Variants in KLHL10 observed in about 807,000 individuals in gnomAD.
KLHL10 encodes kelch like family member 10, also known as kelch-like protein 10.
In KLHL10, 11 loss-of-function variants were observed where a neutral mutation model predicts 46.6. The observed-to-expected ratio is 0.24, with a 90% CI of 0.15 to 0.39. The LOEUF (loss-of-function observed/expected upper bound fraction) is 0.39, where lower values mean the gene tolerates loss of function less well. KLHL10 is among the 10% of genes least tolerant of loss of function. The pLI is 1.00. For missense variants in KLHL10, 475 were observed against 789.8 expected (o/e 0.60, Z 4.78); for synonymous variants, 254 against 279.1 (o/e 0.91, Z 0.90).
intron 3 of KLHL10, among the ~76,000 whole-genome samples, chr17:41,846,948 C>G (rs1038259071): frequency 6.6e-6 from 1 of 152,114 alleles, no homozygotes; most frequent in Non-Finnish European, 1.5e-5. Context: ...AACCTCGTCT[C>G]TACTAAAATA....
chr17:41,836,069 G>A (rs1311727417), upstream of KLHL10: 14 of 1,395,056 alleles, frequency 1.0e-5, no homozygotes, highest in South Asian at 1.9e-4. Flanking sequence ...GCGAGGGGGC[G>A]GCTACTGGCC....
upstream of KLHL10, among the ~76,000 whole-genome samples, chr17:41,836,891 C>A (rs1597929848): frequency 6.6e-6 from 1 of 152,226 alleles, no homozygotes; most frequent in African/African-American, 2.4e-5. Flanking sequence ...AAACTGAATT[C>A]TGTTAATCAC....
At chr17:41,844,079 G>T (rs558094164) in intron 2 of KLHL10, among the ~76,000 whole-genome samples, 1 of 150,078 alleles carries the variant, frequency 6.7e-6, no homozygotes, top group South Asian at 2.1e-4. Context: ...TATTTATTTT[G>T]AGACAAGTCT....
intron 1 of KLHL10, among the ~76,000 whole-genome samples, chr17:41,841,077 T>C (rs1391234334): frequency 1.3e-5 from 2 of 150,940 alleles, no homozygotes; most frequent in Non-Finnish European, 3.0e-5. Context: ...GAGTTGGAGG[T>C]TGCAGTGAGC....
upstream of KLHL10, chr17:41,836,190 C>A: frequency 7.9e-7 from 1 of 1,258,468 alleles, no homozygotes; most frequent in Non-Finnish European, 1.0e-6. Flanking sequence ...ACCTCCTCTG[C>A]CATCCCGTTC....
chr17:41,847,141 C>T (rs2048297573), intron 3 of KLHL10, 120 bp from the exon 4 acceptor site: 2 of 889,602 alleles, frequency 2.2e-6, no homozygotes, highest in East Asian at 5.0e-5. Flanking sequence ...CATGCACATA[C>T]AAAAAAAAGA....
At chr17:41,835,927 T>C, upstream of KLHL10, 3 of 1,602,778 alleles carry the variant, frequency 1.9e-6, no homozygotes. Flanking sequence ...GGCTGCCGCA[T>C]CAGGACCGTG....
At chr17:41,836,005 C>A, upstream of KLHL10, 3 of 1,488,074 alleles carry the variant, frequency 2.0e-6, no homozygotes, top group Non-Finnish European at 2.7e-6. Flanking sequence ...CACGCTGGGC[C>A]CGAGGGGAGC....
chr17:41,847,598 C>T (rs1398116660), intron 4 of KLHL10, among the ~76,000 whole-genome samples, 188 bp downstream of exon 4: 11 of 151,938 alleles, frequency 7.2e-5, no homozygotes, highest in Admixed American at 2.0e-4. Context: ...CTCTGCCTCC[C>T]GGGTTCATGC....
chr17:41,838,800 C>T (rs2048197429), intron 1 of KLHL10, among the ~76,000 whole-genome samples: 1 of 150,904 alleles, frequency 6.6e-6, no homozygotes, highest in Non-Finnish European at 1.5e-5. Flanking sequence ...TCCATTCTCC[C>T]ACCTCAGCCT....
intron 1 of KLHL10, among the ~76,000 whole-genome samples, chr17:41,839,602 G>A (rs1316496149): frequency 2.0e-5 from 3 of 152,252 alleles, no homozygotes; most frequent in Non-Finnish European, 4.4e-5. Flanking sequence ...TTTTGTTCAT[G>A]AGCTGAAAAT....
intron 3 of KLHL10, among the ~76,000 whole-genome samples, chr17:41,846,497 A>G (rs2048287684): frequency 6.6e-6 from 1 of 151,786 alleles, no homozygotes; most frequent in Non-Finnish European, 1.5e-5. Context: ...AGATTGCGCC[A>G]CTGCACTCCA....
chr17:41,846,776 C>T (rs569142242), intron 3 of KLHL10, among the ~76,000 whole-genome samples: 1 of 152,052 alleles, frequency 6.6e-6, no homozygotes, highest in South Asian at 2.1e-4. Flanking sequence ...GATAGCTCCA[C>T]TGCACTCCAG....
chr17:41,839,742 T>G (rs1321964106), intron 1 of KLHL10, among the ~76,000 whole-genome samples: 1 of 152,186 alleles, frequency 6.6e-6, no homozygotes, highest in Non-Finnish European at 1.5e-5. Flanking sequence ...AGATGGAGTC[T>G]TGCTCTGTCA....
At chr17:41,841,714 C>A in intron 1 of KLHL10, 109 bp from the exon 2 acceptor site, 1 of 1,256,194 alleles carries the variant, frequency 8.0e-7, no homozygotes, top group Non-Finnish European at 1.2e-6. Context: ...TCTTCTTGTC[C>A]ACTGTATATA....
At chr17:41,845,808 C>G in intron 3 of KLHL10, 65 bp downstream of exon 3, 7 of 1,602,232 alleles carry the variant, frequency 4.4e-6, no homozygotes, top group Non-Finnish European at 6.0e-6. Flanking sequence ...TGATACTGCT[C>G]TTTTTTGGGG....
chr17:41,840,356 G>A (rs918446322), intron 1 of KLHL10, among the ~76,000 whole-genome samples: 8 of 152,196 alleles, frequency 5.3e-5, no homozygotes, highest in African/African-American at 1.7e-4. Context: ...CCAGCGGGGC[G>A]CAGTGGCTCA....
chr17:41,845,731 A>G lies in KLHL10; in HGVS notation c.1290A>G (p.Thr430=), dbSNP rs781911291. ...HEQRSDASAT[T]LYGKVYICGG... is the part of the protein sequence containing the mutation. Reference sequence around the variant, plus strand: ...AGAGGAGTGATGCAAGCGCCACAACACTTTATGGGAAGGTAAAGGACCAGG... The same window carrying G: ...AGAGGAGTGATGCAAGCGCCACAACGCTTTATGGGAAGGTAAAGGACCAGG... The change falls in exon 3 of 5, where the codon ACA becomes ACG. Residue 430 remains threonine (T), a synonymous_variant. Coordinates refer to ENST00000293303, the MANE Select transcript of KLHL10 (RefSeq NM_152467.5). 1 of 1,613,884 alleles carries G rather than the reference A, an allele frequency of 6.2e-7. No individual in the cohort carries two copies. Among genetic ancestry groups the G allele is most frequent in the South Asian group, 1.1e-5 (1 of 91,048 alleles).
upstream of KLHL10, chr17:41,837,702 G>A (rs900033923): frequency 8.8e-6 from 11 of 1,244,942 alleles, no homozygotes; most frequent in Non-Finnish European, 1.1e-5. Flanking sequence ...CCTAAGTGGG[G>A]TGGTAAGGAG....
Sources: gnomAD v4.1 joint callset for allele counts (sites outside exome capture counted in the v4.1 genomes callset) on GRCh38, gnomAD v4.1.1 for gene constraint, MANE v1.5 for transcripts, NCBI Gene and HGNC (gene_info 2026-07-23, HGNC 2026-07-21) for gene names.